The following SMCHD1 variants were observed in gnomAD, a reference collection of about 807,000 sequenced individuals.
SMCHD1 encodes structural maintenance of chromosomes flexible hinge domain-containing protein 1.
Under a neutral mutation model 254.7 loss-of-function variants are expected in SMCHD1, and 78 were observed. That is an observed-to-expected ratio of 0.31 (90% CI 0.26 to 0.37). SMCHD1 has a LOEUF of 0.37. SMCHD1 is among the 10% of genes least tolerant of loss of function. SMCHD1 has a pLI of 1.00. For synonymous variants in SMCHD1, 766 were observed against 794.9 expected (o/e 0.96, Z 0.61); for missense variants, 1,840 against 2,408.1 (o/e 0.76, Z 4.94).
chr18:2,691,873 C>T (rs907630753), intron 7 of SMCHD1: 1 of 152,268 alleles, frequency 6.6e-6, no homozygotes, highest in Non-Finnish European at 1.5e-5. Context: ...GCCACAATTG[C>T]TCCAAAACTG....
chr18:2,760,093 A>T (rs139025961), intron 34 of SMCHD1, among the ~76,000 whole-genome samples: 101 of 152,296 alleles, frequency 6.6e-4, no homozygotes, highest in Non-Finnish European at 1.4e-3. Context: ...CACATCGCAC[A>T]TATTGTAGAA....
intron 3 of SMCHD1, among the ~76,000 whole-genome samples, chr18:2,670,893 C>G (rs1392382443): frequency 1.6e-5 from 2 of 123,832 alleles, no homozygotes; most frequent in Non-Finnish European, 3.2e-5. Flanking sequence ...CAGAGGGAGA[C>G]TGCATCTAAA....
intron 1 of SMCHD1, among the ~76,000 whole-genome samples, chr18:2,662,222 AAG>A (rs893990503): frequency 2.7e-5 from 4 of 147,028 alleles, no homozygotes; most frequent in Admixed American, 1.4e-4. Flanking sequence ...GAAAGAAAGA[AAG>A]AAAAAATAAT....
chr18:2,738,467 C>T lies in SMCHD1; in HGVS notation c.3347C>T (p.Thr1116Ile), dbSNP rs2075291270. 2 of 1,612,448 alleles carry T rather than the reference C, an allele frequency of 1.2e-6. No homozygotes were observed. The highest frequency in any genetic ancestry group is 1.3e-5 in the African/African-American group (1 of 74,856). Residue 1116 changes from threonine (T) to isoleucine (I), a missense_variant, in exon 26 of 48, where the codon ACA becomes ATA. This residue lies in a region of SMCHD1 where 881 missense variants were observed against 1,009.5 expected (regional missense o/e 0.87). Transcript: ENST00000320876. ...QGLLPDVQVP[T>I]SVKDMRYCQV... ...CTGCTTCCTGATGTGCAAGTACCAA[C>T]ATCTGTAAAAGATATGCGCTATTGC... is the stretch of plus-strand genomic sequence containing the variant.
At chr18:2,792,874 A>G (rs940514977) in intron 45 of SMCHD1, among the ~76,000 whole-genome samples, 24 of 152,152 alleles carry the variant, frequency 1.6e-4, no homozygotes, top group African/African-American at 5.8e-4. Context: ...ATGATCTCTC[A>G]TGGACCTGTC....
In SMCHD1 at chr18:2,655,963, C is replaced by G; in HGVS notation, c.-113C>G. 1.2e-6 allele frequency: 1 copy of G among 831,460 alleles called. No homozygotes were observed. Among genetic ancestry groups the G allele is most frequent in the Non-Finnish European group, 1.6e-6 (1 of 623,164 alleles). The allele number at this position is 831,460 out of a possible 1,614,324, so 51.5% of individuals were successfully genotyped here. A position where few individuals can be genotyped will look rare whatever the true frequency, so the allele number is the denominator to read the frequency against. On this transcript the variant is annotated 5_prime_UTR_variant, in exon 1 of 48. Transcript: ENST00000320876. ...TGACGAGGAGCTGCAGCGCGCCGGG[C>G]CGAGGCCTCGAGCCGCCCCGGGAGC...
At chr18:2,711,504 A>G (rs1598351620) in intron 17 of SMCHD1, among the ~76,000 whole-genome samples, 1 of 104,284 alleles carries the variant, frequency 9.6e-6, no homozygotes, top group Non-Finnish European at 1.9e-5. Context: ...TTTTTTTGAG[A>G]CGGAGTCTCG....
At chr18:2,800,411 C>G (rs1019991221) in intron 47 of SMCHD1, 3 of 152,186 alleles carry the variant, frequency 2.0e-5, no homozygotes, top group African/African-American at 7.2e-5. Flanking sequence ...TGCTGGCACA[C>G]TAGGACCTAA....
At chr18:2,776,573 A>G (rs2076069818) in intron 42 of SMCHD1, among the ~76,000 whole-genome samples, 1 of 152,186 alleles carries the variant, frequency 6.6e-6, no homozygotes. Flanking sequence ...AAAGACAGGA[A>G]GGAAATACTA....
chr18:2,708,355 C>G (rs1454209451), intron 17 of SMCHD1, among the ~76,000 whole-genome samples: 1 of 151,952 alleles, frequency 6.6e-6, no homozygotes, highest in African/African-American at 2.4e-5. Flanking sequence ...TGAGCCTTGC[C>G]TTTTCTGCCT....
chr18:2,721,492 C>T (rs2074926833), intron 19 of SMCHD1, among the ~76,000 whole-genome samples: 1 of 151,892 alleles, frequency 6.6e-6, no homozygotes. Context: ...TAAGCAGTTT[C>T]CTGTTGATGA....
rs763236583 is a variant in SMCHD1 at position 2,729,286 on chromosome 18, T to A, written c.2925T>A (p.Ala975=). The part of the protein sequence containing the change: ...KLIVHCKFSG[A]PNLPVYVVDC... ...CATCTTTCAAATAGTTTTCAGGTGC[T>A]CCAAACCTTCCAGTCTATGTTGTAG... Residue 975 remains alanine, a synonymous_variant, in exon 24 of 48, where the codon GCT becomes GCA. Transcript: ENST00000320876. The A allele has an allele frequency of 5.6e-5, 84 of 1,497,092 alleles. 1 individual carries two copies. Among genetic ancestry groups the A allele is most frequent in the Admixed American group, 3.9e-4 (15 of 38,068 alleles). 92.7% of individuals were successfully genotyped at this position (1,497,092 alleles called of 1,614,324 possible).
At chr18:2,713,632 C>T (rs1016356825) in intron 17 of SMCHD1, among the ~76,000 whole-genome samples, 7 of 152,148 alleles carry the variant, frequency 4.6e-5, no homozygotes, top group Non-Finnish European at 8.8e-5. Context: ...CTGCAATGAG[C>T]TGAGATTGCA....
chr18:2,789,968 G>T (rs7237445), intron 45 of SMCHD1, among the ~76,000 whole-genome samples: 36,661 of 152,076 alleles, frequency 0.24, 4,489 homozygotes, highest in South Asian at 0.35. Flanking sequence ...TGGATCACGA[G>T]GTCAGGAGAT....
chr18:2,680,389 G>A (rs932524860), intron 5 of SMCHD1, among the ~76,000 whole-genome samples: 4 of 152,168 alleles, frequency 2.6e-5, no homozygotes, highest in African/African-American at 9.7e-5. Context: ...CTGTATCCTT[G>A]TGTTACCCTT....
chr18:2,681,412 C>CA (rs11448086), intron 5 of SMCHD1, among the ~76,000 whole-genome samples: 42,333 of 103,868 alleles, frequency 0.41, 9,234 homozygotes, highest in South Asian at 0.6. Context: ...GACCCCATCT[C>CA]AAAAAAAAAA....
chr18:2,764,308 A>T (rs1224547830), intron 37 of SMCHD1, among the ~76,000 whole-genome samples: 1 of 152,160 alleles, frequency 6.6e-6, no homozygotes, highest in Non-Finnish European at 1.5e-5. Flanking sequence ...CCTGCATACC[A>T]TGTGTGTATA....
chr18:2,772,475 T>G, intron 41 of SMCHD1, 103 bp downstream of exon 41: 1 of 1,008,064 alleles, frequency 9.9e-7, no homozygotes, highest in South Asian at 2.3e-5. Flanking sequence ...TTCTTTGTAA[T>G]TTACTTCTTT....
At chr18:2,716,069 T>G (rs1234332317) in intron 17 of SMCHD1, among the ~76,000 whole-genome samples, 1 of 152,216 alleles carries the variant, frequency 6.6e-6, no homozygotes, top group Admixed American at 6.5e-5. Context: ...AGGACTTATT[T>G]TTTCCTTGAT....
Sources: gnomAD v4.1 joint callset for allele counts (sites outside exome capture counted in the v4.1 genomes callset) on GRCh38, gnomAD v4.1.1 for gene constraint, gnomAD v4.1.1 regional missense constraint, MANE v1.5 for transcripts, NCBI Gene and HGNC (gene_info 2026-07-23, HGNC 2026-07-21) for gene names.